The following COL13A1 variants were observed in gnomAD, a reference collection of about 807,000 sequenced individuals.
COL13A1 encodes collagen type XIII alpha 1 chain.
Under a neutral mutation model 130.9 loss-of-function variants are expected in COL13A1, and 89 were observed. That is an observed-to-expected ratio of 0.68 (90% CI 0.57 to 0.81). The LOEUF is 0.81. Among genes scored for constraint, COL13A1 ranks in the 30% least tolerant of loss-of-function variants. COL13A1 has a pLI of 0.00. For synonymous variants in COL13A1, 402 were observed against 341.6 expected (o/e 1.18, Z -1.95); for missense variants, 879 against 934.6 (o/e 0.94, Z 0.78).
intron 30 of COL13A1, 125 bp from the exon 31 acceptor site, chr10:69,932,435 A>G (rs932398178): frequency 1.5e-6 from 1 of 663,666 alleles, no homozygotes; most frequent in Non-Finnish European, 2.8e-6. Context: ...CACATCCTCC[A>G]TGGTGTTCCT....
At chr10:69,807,280 A>G (rs569356404) in intron 1 of COL13A1, among the ~76,000 whole-genome samples, 5 of 152,274 alleles carry the variant, frequency 3.3e-5, no homozygotes, top group African/African-American at 1.2e-4. Context: ...TACAGATGAG[A>G]AGACTGATGT....
chr10:69,917,389 A>G, intron 18 of COL13A1, 56 bp downstream of exon 18: 2 of 1,497,280 alleles, frequency 1.3e-6, no homozygotes, highest in Non-Finnish European at 1.8e-6. Flanking sequence ...CCCAGTGCCC[A>G]TCCCTCTCTC....
intron 22 of COL13A1, 28 bp downstream of exon 22, chr10:69,921,963 A>G: frequency 6.3e-7 from 1 of 1,587,104 alleles, no homozygotes; most frequent in South Asian, 1.2e-5. Flanking sequence ...TGGAGGGTTC[A>G]AGTCCTTCGT....
chr10:69,829,366 A>G (rs1428105629), intron 2 of COL13A1: 1 of 668,610 alleles, frequency 1.5e-6, no homozygotes, highest in Non-Finnish European at 1.8e-6. Context: ...AAAGCCCTAA[A>G]TCCCTAACAC....
chr10:69,927,188 A>C, intron 27 of COL13A1, 78 bp downstream of exon 27: 1 of 1,597,554 alleles, frequency 6.3e-7, no homozygotes, highest in Non-Finnish European at 8.6e-7. Flanking sequence ...CAAGGATTTG[A>C]TTTCTCCCCT....
At chr10:69,924,751 G>A (rs912792173) in intron 24 of COL13A1, among the ~76,000 whole-genome samples, 3 of 152,202 alleles carry the variant, frequency 2.0e-5, no homozygotes, top group East Asian at 1.9e-4. Context: ...GAACGCCACC[G>A]AGTCTGAAGT....
At chr10:69,882,242 T>C (rs984685909) in intron 7 of COL13A1, among the ~76,000 whole-genome samples, 3 of 152,222 alleles carry the variant, frequency 2.0e-5, no homozygotes, top group African/African-American at 7.2e-5. Context: ...GTCTGCCTTC[T>C]GGTCTGGCTA....
At chr10:69,871,783 T>C (rs1320394744) in intron 3 of COL13A1, among the ~76,000 whole-genome samples, 1 of 152,198 alleles carries the variant, frequency 6.6e-6, no homozygotes, top group African/African-American at 2.4e-5. Context: ...CTAATAATCA[T>C]AGTAATAGCT....
In COL13A1 at chr10:69,936,739, C is replaced by T. The variant is rs2135988167; in HGVS notation, c.1771-17C>T. On this transcript the variant is annotated splice_polypyrimidine_tract_variant and intron_variant, in intron 32 of 40. Coordinates refer to ENST00000645393, the MANE Select transcript of COL13A1 (RefSeq NM_001368882.1). ...AGAGATGCAGTTCTAATGCACCTTG[C>T]TTTATTCCAAATGCAGGGGCTCCAA... The T allele has an allele frequency of 6.2e-7, 1 of 1,613,852 alleles. No homozygotes were observed. The highest frequency in any genetic ancestry group is 8.5e-7 in the Non-Finnish European group (1 of 1,179,798).
At chr10:69,895,454 C>T in intron 12 of COL13A1, 96 bp from the exon 13 acceptor site, 1 of 1,324,694 alleles carries the variant, frequency 7.5e-7, no homozygotes, top group South Asian at 1.2e-5. Context: ...TGAGCGGTGA[C>T]ATGTGTGGCA....
At chr10:69,866,131 A>G (rs1295706620) in intron 2 of COL13A1, among the ~76,000 whole-genome samples, 2 of 152,240 alleles carry the variant, frequency 1.3e-5, no homozygotes, top group East Asian at 3.8e-4. Context: ...TGCACCCAGC[A>G]AACTGCTCCT....
At chr10:69,812,693 A>T (rs912826248) in intron 1 of COL13A1, among the ~76,000 whole-genome samples, 2 of 152,224 alleles carry the variant, frequency 1.3e-5, no homozygotes, top group Non-Finnish European at 2.9e-5. Context: ...GGAGGAATTA[A>T]CATTAAGCTG....
chr10:69,936,114 A>G (rs369384142), intron 32 of COL13A1, among the ~76,000 whole-genome samples: 5 of 56,924 alleles, frequency 8.8e-5, no homozygotes, highest in Non-Finnish European at 1.7e-4. Context: ...GGAAGGAAGG[A>G]AGGAAGGAAG....
Position 69,854,107 on chromosome 10 carries a change from C to T in COL13A1, c.365-13691C>T, listed in dbSNP as rs544641229. On this transcript the variant is annotated intron_variant, in intron 2 of 40. Transcript: ENST00000645393. Reference sequence around the variant, plus strand: ...ACTCCTCGGCCTCCCGAGAACCCCACATCCCTGGCACGTACACTGGAGGCC... The same window carrying T: ...ACTCCTCGGCCTCCCGAGAACCCCATATCCCTGGCACGTACACTGGAGGCC... Among the ~76,000 whole-genome samples, 54 of 152,366 alleles carry T rather than the reference C, an allele frequency of 3.5e-4. 1 individual carries two copies. The highest frequency in any genetic ancestry group is 6.5e-4 in the Admixed American group (10 of 15,310).
At chr10:69,863,078 C>G (rs373504330) in intron 2 of COL13A1, among the ~76,000 whole-genome samples, 1 of 152,060 alleles carries the variant, frequency 6.6e-6, no homozygotes, top group Non-Finnish European at 1.5e-5. Flanking sequence ...GGAGGAGCCC[C>G]GAGGCAGGTC....
rs116448492 is a variant in COL13A1 at position 69,883,790 on chromosome 10, G to A, written c.513+3237G>A. 5.5e-3 allele frequency among the ~76,000 whole-genome samples: 840 copies of A among 152,248 alleles called. 4 individuals are homozygous for A. Among genetic ancestry groups the A allele is most frequent in the African/African-American group, 0.019 (794 of 41,548 alleles). On this transcript the variant is annotated intron_variant, in intron 7 of 40. Transcript: ENST00000645393. ...CTGTAGGTTGTGTTAGGCTGACGTGGGACATGACCAGATTTGCAGTTTACA... is the reference window on the plus strand; with the variant it reads ...CTGTAGGTTGTGTTAGGCTGACGTGAGACATGACCAGATTTGCAGTTTACA...
At chr10:69,853,107 C>T (rs954914171) in intron 2 of COL13A1, among the ~76,000 whole-genome samples, 6 of 152,306 alleles carry the variant, frequency 3.9e-5, no homozygotes, top group African/African-American at 1.4e-4. Context: ...AGCCTGGTCT[C>T]CCCAGGGTGC....
At chr10:69,817,138 G>A (rs751997349) in intron 1 of COL13A1, among the ~76,000 whole-genome samples, 4 of 152,136 alleles carry the variant, frequency 2.6e-5, no homozygotes, top group Non-Finnish European at 5.9e-5. Flanking sequence ...TGGAGTAGGT[G>A]TGGCAGAGAT....
intron 10 of COL13A1, among the ~76,000 whole-genome samples, chr10:69,891,655 T>TA (rs1261407133): frequency 6.6e-6 from 1 of 152,228 alleles, no homozygotes; most frequent in Admixed American, 6.5e-5. Context: ...GCCACATTGT[T>TA]ATAGAGGCAT....
Sources: allele counts gnomAD v4.1 joint callset (sites outside exome capture counted in the v4.1 genomes callset), GRCh38; gene constraint gnomAD v4.1.1; transcripts MANE v1.5; gene names NCBI Gene and HGNC (gene_info 2026-07-23, HGNC 2026-07-21).